The following PTPRB variants were observed in gnomAD, a reference collection of about 807,000 sequenced individuals.
The protein encoded by PTPRB is protein tyrosine phosphatase receptor type B.
Under a neutral mutation model 238.1 loss-of-function variants are expected in PTPRB, and 97 were observed. The ratio of observed to expected loss-of-function variants is 0.41; its 90% CI spans 0.35 to 0.48. The LOEUF is 0.48. PTPRB is among the 20% of genes least tolerant of loss of function. The pLI is 0.30. For missense variants in PTPRB, 2,292 were observed against 2,681.9 expected (o/e 0.85, Z 3.21); for synonymous variants, 970 against 995.4 (o/e 0.97, Z 0.48).
intron 3 of PTPRB, among the ~76,000 whole-genome samples, chr12:70,616,324 G>A (rs1240795511): frequency 6.6e-6 from 1 of 152,158 alleles, no homozygotes; most frequent in Non-Finnish European, 1.5e-5. Flanking sequence ...AATGATACAG[G>A]TTGGTTATTT....
intron 11 of PTPRB, 144 bp from the exon 12 acceptor site, chr12:70,572,231 A>AT: frequency 1.2e-6 from 1 of 833,488 alleles, no homozygotes; most frequent in South Asian, 1.7e-5. Context: ...TAGGTTACAA[A>AT]TTTCTGGAGG....
chr12:70,520,607 T>A lies in PTPRB; in HGVS notation c.*882A>T. Reference sequence around the variant, plus strand: ...CCACTGAAAATGAGACAGAAACTAGTGTGTATAAATACATTACAGTATGGG... The same window carrying A: ...CCACTGAAAATGAGACAGAAACTAGAGTGTATAAATACATTACAGTATGGG... On this transcript the variant is annotated 3_prime_UTR_variant, in exon 34 of 34. Transcript: ENST00000334414. 1 of 197,946 alleles carries A rather than the reference T, an allele frequency of 5.1e-6. No homozygotes were observed. 12.3% of individuals were successfully genotyped at this position (197,946 alleles called of 1,614,324 possible).
Position 70,560,794 on chromosome 12 carries a change from A to C in PTPRB, c.4309T>G (p.Trp1437Gly), listed in dbSNP as rs1272180959. The C allele has an allele frequency of 4.3e-6, 7 of 1,613,856 alleles. No homozygotes were observed. Among genetic ancestry groups the C allele is most frequent in the Non-Finnish European group, 5.9e-6 (7 of 1,179,904 alleles). ...CACTCCGTCAGGTCCTTGTCTTTCC[A>C]GTTTTCCTTCTTTGTGCCATTGGGA... ...YNPNGTKKENWKDKDLTEWRF... is the reference protein window; with the variant it reads ...YNPNGTKKENGKDKDLTEWRF... The change falls in exon 17 of 34, where the codon TGG (tryptophan) becomes GGG (glycine). Residue 1437 changes from tryptophan (W) to glycine (G), a missense_variant. Physicochemically the swap from Trp to Gly is radical, Grantham distance 184. Coordinates refer to ENST00000334414, the MANE Select transcript of PTPRB (RefSeq NM_001109754.4). This position sits in a 1 kb window ranked among gnomAD's most constrained non-coding sequence, Gnocchi z 4.2.
chr12:70,516,911 T>C lies in PTPRB; in HGVS notation c.*4578A>G, dbSNP rs192222964. 2.6e-4 allele frequency: 40 copies of C among 152,354 alleles called. 1 individual carries two copies. The highest frequency in any genetic ancestry group is 5.9e-5 in the Non-Finnish European group (4 of 68,032). 9.4% of individuals were successfully genotyped at this position (152,354 alleles called of 1,614,324 possible). ...AAGTGTATCTTATATAGACAATCTTTTAAAAAATAAAATGCCTTATTTGTG... is the reference window on the plus strand; with the variant it reads ...AAGTGTATCTTATATAGACAATCTTCTAAAAAATAAAATGCCTTATTTGTG... On this transcript the variant is annotated 3_prime_UTR_variant, in exon 34 of 34. Coordinates refer to ENST00000334414, the MANE Select transcript of PTPRB (RefSeq NM_001109754.4).
chr12:70,523,687 TC>T (rs1871930996), intron 33 of PTPRB, among the ~76,000 whole-genome samples: 1 of 152,092 alleles, frequency 6.6e-6, no homozygotes, highest in Admixed American at 6.5e-5. Flanking sequence ...CTCCCTCTCT[TC>T]CCCGTTGCCA....
chr12:70,582,989 C>T (rs1330317320), intron 9 of PTPRB, among the ~76,000 whole-genome samples: 1 of 152,114 alleles, frequency 6.6e-6, no homozygotes, highest in Non-Finnish European at 1.5e-5. Flanking sequence ...ACCACATGAG[C>T]TATCATTATC....
Position 70,576,450 on chromosome 12 carries a change from A to C in PTPRB, c.2774T>G (p.Leu925Arg). ...CCTTGTAGTTATGGTCACGGTGTAG[A>C]GGCGGCCTGGGGTGAGGGAGCTGAA... is the stretch of plus-strand genomic sequence containing the variant. ...CSFSSLTPGR[L>R]YTVTITTRSG... Residue 925 changes from leucine (L) to arginine (R), a missense_variant, in exon 11 of 34, where the codon CTC (leucine) becomes CGC (arginine). Around this residue, in one of 4 missense-constraint regions of PTPRB, gnomAD observed 1,205 missense variants for 1,287.8 expected, o/e 0.94. Transcript: ENST00000334414. The C allele has an allele frequency of 1.2e-6, 2 of 1,605,690 alleles. No homozygotes were observed. Among genetic ancestry groups the C allele is most frequent in the African/African-American group, 2.7e-5 (2 of 74,868 alleles).
chr12:70,537,685 C>T (rs1260691192), intron 28 of PTPRB, among the ~76,000 whole-genome samples: 3 of 152,148 alleles, frequency 2.0e-5, no homozygotes, highest in Non-Finnish European at 4.4e-5. Context: ...GGGATTCAAA[C>T]CTAGATTTGT....
chr12:70,544,174 C>G (rs1875606061), intron 22 of PTPRB, among the ~76,000 whole-genome samples: 1 of 151,862 alleles, frequency 6.6e-6, no homozygotes, highest in South Asian at 2.1e-4. Flanking sequence ...GTGTTTTTTT[C>G]TTTTAGTCTT....
chr12:70,591,433 A>G (rs1882479374), intron 7 of PTPRB, among the ~76,000 whole-genome samples: 1 of 149,632 alleles, frequency 6.7e-6, no homozygotes, highest in African/African-American at 2.4e-5. Context: ...AATTATCTGT[A>G]TAATGGTAAT....
At position 70,555,234 on chromosome 12, in the gene PTPRB, G is replaced by T. The variant is rs61758735; in HGVS notation, c.5069C>A (p.Thr1690Asn). 5.0e-6 allele frequency: 8 copies of T among 1,613,746 alleles called. No individual in the cohort carries two copies. Among genetic ancestry groups the T allele is most frequent in the Non-Finnish European group, 6.8e-6 (8 of 1,179,860 alleles). Reference sequence around the variant, plus strand: ...GTCGCTGAACCAGCTGCAGTTGACAGTAAAGTTGATGGAAGACTTGCTAAT... The same window carrying T: ...GTCGCTGAACCAGCTGCAGTTGACATTAAAGTTGATGGAAGACTTGCTAAT... ...VLISKSSINF[T>N]VNCSWFSDTN... Residue 1690 changes from threonine (T) to asparagine (N), a missense_variant, in exon 20 of 34, where the codon ACT (threonine) becomes AAT (asparagine). Around this residue, in one of 4 missense-constraint regions of PTPRB, gnomAD observed 683 missense variants for 862.0 expected, o/e 0.79. Coordinates refer to ENST00000334414, the MANE Select transcript of PTPRB (RefSeq NM_001109754.4).
At chr12:70,540,129 A>G (rs759919284) in intron 23 of PTPRB, 107 bp from the exon 24 acceptor site, 1 of 951,964 alleles carries the variant, frequency 1.1e-6, no homozygotes, top group Non-Finnish European at 1.6e-6. Flanking sequence ...TGGATTTTTC[A>G]GTATTCATAC....
intron 15 of PTPRB, 66 bp from the exon 16 acceptor site, chr12:70,563,173 G>C (rs111625457): frequency 6.1e-5 from 88 of 1,442,420 alleles, no homozygotes; most frequent in Non-Finnish European, 8.1e-5. Flanking sequence ...AGCAGGTGGG[G>C]AAGAGGGAAA....
chr12:70,607,453 C>T (rs377068761), intron 4 of PTPRB, among the ~76,000 whole-genome samples: 6 of 152,230 alleles, frequency 3.9e-5, no homozygotes, highest in African/African-American at 1.4e-4. Flanking sequence ...GGACTAAAAA[C>T]CCAGCCTTTC....
At position 70,576,644 on chromosome 12, in the gene PTPRB, G is replaced by A; in HGVS notation, c.2580C>T (p.Val860=). The part of the protein sequence containing the change: ...SRQVVVEGRT[V]PSSVSGVTVN... ...CCGTTACTCCACTCACACTGGAAGG[G>A]ACTGTGATTTTGAAAGGTGGGGGGC... The change falls in exon 11 of 34, where the codon GTC becomes GTT. Residue 860 remains valine, a splice_region_variant and synonymous_variant. Coordinates refer to ENST00000334414, the MANE Select transcript of PTPRB (RefSeq NM_001109754.4). The A allele has an allele frequency of 5.7e-6, 6 of 1,050,592 alleles. No homozygotes were observed. The highest frequency in any genetic ancestry group is 7.4e-6 in the Non-Finnish European group (6 of 814,508). The allele number at this position is 1,050,592 out of a possible 1,614,324, so 65.1% of individuals were successfully genotyped here. A position where few individuals can be genotyped will look rare whatever the true frequency, so the allele number is the denominator to read the frequency against.
intron 32 of PTPRB, among the ~76,000 whole-genome samples, chr12:70,526,781 A>G (rs1258598183): frequency 6.6e-6 from 1 of 152,152 alleles, no homozygotes; most frequent in Admixed American, 6.5e-5. Flanking sequence ...TTCTACTGGG[A>G]TATTACATTA....
At position 70,596,316 on chromosome 12, in the gene PTPRB, G is replaced by A; in HGVS notation, c.991C>T (p.Pro331Ser). 1.3e-6 allele frequency: 2 copies of A among 1,543,720 alleles called. No homozygotes were observed. The highest frequency in any genetic ancestry group is 1.7e-6 in the Non-Finnish European group (2 of 1,145,022). Residue 331 changes from proline to serine, a missense_variant, in exon 5 of 34, where the codon CCT becomes TCT. This residue lies in a region of PTPRB where 1,205 missense variants were observed against 1,287.8 expected (regional missense o/e 0.94). Coordinates refer to ENST00000334414, the MANE Select transcript of PTPRB (RefSeq NM_001109754.4). ...TCTTTACTGACTCCAAACCTAGCAG[G>A]AGGTAAAGGATCTGCAAGGCAAATA... is the stretch of plus-strand genomic sequence containing the variant. ...TVVLQTDPLPPARFGVSKEKT... is the reference protein window; with the variant it reads ...TVVLQTDPLPSARFGVSKEKT...
intron 18 of PTPRB, 37 bp downstream of exon 18, chr12:70,559,306 T>C: frequency 1.3e-6 from 2 of 1,564,752 alleles, no homozygotes; most frequent in Non-Finnish European, 8.8e-7. Flanking sequence ...CTTCCTCTAC[T>C]CCATTTGAGA....
intron 1 of PTPRB, among the ~76,000 whole-genome samples, chr12:70,636,354 G>C (rs1275157760): frequency 6.6e-6 from 1 of 151,020 alleles, no homozygotes; most frequent in African/African-American, 2.4e-5. Flanking sequence ...AAAATGAAAG[G>C]AAGCTTGGAA....
Sources: gnomAD v4.1 joint callset for allele counts (sites outside exome capture counted in the v4.1 genomes callset) on GRCh38, gnomAD v4.1.1 for gene constraint, gnomAD v4.1.1 regional missense constraint, Gnocchi (gnomAD v3.1) non-coding constraint, MANE v1.5 for transcripts, NCBI Gene and HGNC (gene_info 2026-07-23, HGNC 2026-07-21) for gene names.